Variants in PIK3R4 observed in about 807,000 individuals in gnomAD.
PIK3R4 encodes phosphoinositide-3-kinase regulatory subunit 4.
Under a neutral mutation model 136.5 loss-of-function variants are expected in PIK3R4, and 46 were observed. The ratio of observed to expected loss-of-function variants is 0.34; its 90% CI spans 0.27 to 0.43. The LOEUF (loss-of-function observed/expected upper bound fraction) is 0.43. Ranked by LOEUF, PIK3R4 falls within the 20% of genes least tolerant of loss-of-function variation. PIK3R4 has a pLI of 1.00. For synonymous variants in PIK3R4, 557 were observed against 566.7 expected (o/e 0.98, Z 0.24); for missense variants, 1,331 against 1,649.5 (o/e 0.81, Z 3.35).
intron 16 of PIK3R4, among the ~76,000 whole-genome samples, chr3:130,682,155 C>CT (rs1164627130): frequency 6.6e-6 from 1 of 152,140 alleles, no homozygotes; most frequent in African/African-American, 2.4e-5. Flanking sequence ...GGCAAAGTGA[C>CT]TTTGCAGATG....
At chr3:130,706,399 C>T (rs1290885093) in intron 11 of PIK3R4, among the ~76,000 whole-genome samples, 1 of 152,114 alleles carries the variant, frequency 6.6e-6, no homozygotes, top group African/African-American at 2.4e-5. Flanking sequence ...TTACTGAAAT[C>T]TGTAGTGAAC....
At chr3:130,709,581 C>T (rs2066623568) in intron 9 of PIK3R4, among the ~76,000 whole-genome samples, 1 of 152,110 alleles carries the variant, frequency 6.6e-6, no homozygotes, top group Admixed American at 6.5e-5. Flanking sequence ...TTTCATGTCT[C>T]CTCCTAAAAT....
intron 13 of PIK3R4, among the ~76,000 whole-genome samples, chr3:130,700,407 A>G (rs1215360306): frequency 6.6e-6 from 1 of 152,242 alleles, no homozygotes; most frequent in Non-Finnish European, 1.5e-5. Flanking sequence ...GAGAAGCTGA[A>G]TGAGCCAGAA....
intron 2 of PIK3R4, among the ~76,000 whole-genome samples, chr3:130,741,852 T>C (rs2066825657): frequency 6.6e-6 from 1 of 152,202 alleles, no homozygotes; most frequent in South Asian, 2.1e-4. Context: ...GAATGAAAGA[T>C]CTGCAGCACA....
At chr3:130,681,150 G>T (rs1414878419) in intron 17 of PIK3R4, 85 bp from the exon 18 acceptor site, 3 of 811,934 alleles carry the variant, frequency 3.7e-6, no homozygotes, top group Non-Finnish European at 6.5e-6. Context: ...CAAGTTAACT[G>T]TCAGTAGCTT....
chr3:130,704,749 G>C (rs1222284267), intron 12 of PIK3R4, among the ~76,000 whole-genome samples: 1 of 152,118 alleles, frequency 6.6e-6, no homozygotes, highest in African/African-American at 2.4e-5. Flanking sequence ...ATATGGAACT[G>C]TTTCCTCAAA....
chr3:130,727,257 T>C (rs1271653701), intron 6 of PIK3R4, among the ~76,000 whole-genome samples: 1 of 152,088 alleles, frequency 6.6e-6, no homozygotes, highest in East Asian at 1.9e-4. Context: ...GTCTCGCTCT[T>C]TCACCCAGGC....
chr3:130,723,767 A>G, intron 6 of PIK3R4, 180 bp from the exon 7 acceptor site: 1 of 497,796 alleles, frequency 2.0e-6, no homozygotes, highest in South Asian at 3.3e-5. Flanking sequence ...AATCATCAGG[A>G]AATTCTCGGA....
chr3:130,739,496 C>T (rs1381008584), intron 2 of PIK3R4, among the ~76,000 whole-genome samples: 5 of 152,094 alleles, frequency 3.3e-5, no homozygotes, highest in East Asian at 1.9e-4. Flanking sequence ...CTCAGCTTCC[C>T]GGGTAGCTGG....
intron 13 of PIK3R4, among the ~76,000 whole-genome samples, chr3:130,693,261 A>C (rs1265356232): frequency 6.6e-6 from 1 of 152,194 alleles, no homozygotes; most frequent in African/African-American, 2.4e-5. Flanking sequence ...GCTGCTATGA[A>C]CATTTGTGTA....
Position 130,730,374 on chromosome 3 carries a change from T to C in PIK3R4, c.1519A>G (p.Met507Val). 3 of 1,602,138 alleles carry C rather than the reference T, an allele frequency of 1.9e-6. No individual in the cohort carries two copies. The highest frequency in any genetic ancestry group is 2.2e-5 in the South Asian group (2 of 89,404). The change falls in exon 5 of 20, where the codon ATG (methionine) becomes GTG (valine). Residue 507 changes from methionine to valine, a missense_variant. Met to Val is a conservative substitution (Grantham distance 21). This residue lies in a region of PIK3R4 where 1,180 missense variants were observed against 1,407.0 expected (regional missense o/e 0.84). Transcript: ENST00000356763. ...TCTTCATTATTGGGGTCATTTTCCA[T>C]ATTAAGATTTTTTAACTGTACTAAT... is the stretch of plus-strand genomic sequence containing the variant. Reference protein sequence around the residue: ...LELVQLKNLNMENDPNNEEID... With the variant: ...LELVQLKNLNVENDPNNEEID...
intron 13 of PIK3R4, among the ~76,000 whole-genome samples, chr3:130,691,584 C>T (rs1193914039): frequency 1.3e-5 from 2 of 152,152 alleles, no homozygotes. Flanking sequence ...CAGACTGCAA[C>T]TTTACGCTTC....
At chr3:130,745,915 C>T (rs1008810699) in intron 1 of PIK3R4, among the ~76,000 whole-genome samples, 5 of 151,842 alleles carry the variant, frequency 3.3e-5, no homozygotes, top group African/African-American at 9.7e-5. Flanking sequence ...CCCAGCTACT[C>T]GTGAGGCTGA....
chr3:130,681,507 G>A lies in PIK3R4; in HGVS notation c.3692C>T (p.Pro1231Leu). Residue 1231 changes from proline (P) to leucine (L), a missense_variant, in exon 17 of 20, where the codon CCA becomes CTA. Physicochemically the swap from Pro to Leu is moderately conservative, Grantham distance 98. Transcript: ENST00000356763. ...RFTLWASSAP[P>L]LSELQPSPHS... The stretch of plus-strand genomic sequence containing the variant: ...AAGTCAAACCTGTAATTCAGAAAGT[G>A]GTGGTGCACTGCTGGCCCAGAGAGT... 6.2e-7 allele frequency: 1 copy of A among 1,602,808 alleles called. No individual in the cohort carries two copies. The highest frequency in any genetic ancestry group is 8.5e-7 in the Non-Finnish European group (1 of 1,169,814).
chr3:130,707,025 C>T lies in PIK3R4; in HGVS notation c.2644G>A (p.Glu882Lys). Residue 882 changes from glutamate to lysine, a missense_variant, in exon 11 of 20, where the codon GAG (glutamate) becomes AAG (lysine). Glu to Lys is a moderately conservative substitution (Grantham distance 56, BLOSUM62 1). Coordinates refer to ENST00000356763, the MANE Select transcript of PIK3R4 (RefSeq NM_014602.3). ...GGAGGTTTCCCAGTCTGAATCACCT[C>T]CTGATCACTCCCTTTAGGTAGGGCC... ...PQALPKGSDQ[E>K]VIQTGKPPRS... 6.2e-7 allele frequency: 1 copy of T among 1,612,940 alleles called. No individual in the cohort carries two copies. Among genetic ancestry groups the T allele is most frequent in the Non-Finnish European group, 8.5e-7 (1 of 1,179,528 alleles).
chr3:130,736,047 TATC>T lies in PIK3R4; in HGVS notation c.734-48_734-46del, dbSNP rs750770857. On this transcript the variant is annotated intron_variant, in intron 2 of 19. Coordinates refer to ENST00000356763, the MANE Select transcript of PIK3R4 (RefSeq NM_014602.3). ...ATTCTGTTAGAAAAGAGATAAAAAA[TATC>T]ATGCAATATAGATTGAGAACTCAGA... 66 of 1,331,942 alleles carry T rather than the reference TATC, an allele frequency of 5.0e-5. No homozygotes were observed. In the African/African-American group the frequency reaches 8.6e-4, roughly 17 times the overall value. 82.5% of individuals were successfully genotyped at this position (1,331,942 alleles called of 1,614,324 possible).
chr3:130,707,056 C>T lies in PIK3R4; in HGVS notation c.2613G>A (p.Met871Ile), dbSNP rs748893803. ...CACTCCCTTTAGGTAGGGCCTGTGG[C>T]ATGTTTGGTGGGTCCAGTGACCCAA... is the stretch of plus-strand genomic sequence containing the variant. ...SMFGSLDPPNMPQALPKGSDQ... is the reference protein window; with the variant it reads ...SMFGSLDPPNIPQALPKGSDQ... Residue 871 changes from methionine to isoleucine, a missense_variant, in exon 11 of 20, where the codon ATG becomes ATA. Met to Ile is a conservative substitution (Grantham distance 10). Coordinates refer to ENST00000356763, the MANE Select transcript of PIK3R4 (RefSeq NM_014602.3). 2 of 1,612,600 alleles carry T rather than the reference C, an allele frequency of 1.2e-6. No homozygotes were observed. Among genetic ancestry groups the T allele is most frequent in the Non-Finnish European group, 8.5e-7 (1 of 1,179,360 alleles).
intron 13 of PIK3R4, among the ~76,000 whole-genome samples, chr3:130,698,745 A>T (rs2066560316): frequency 6.6e-6 from 1 of 152,164 alleles, no homozygotes; most frequent in African/African-American, 2.4e-5. Flanking sequence ...AAAACTGTGC[A>T]TTCAAAATTA....
intron 9 of PIK3R4, 89 bp from the exon 10 acceptor site, chr3:130,708,581 C>T (rs1042597325): frequency 8.7e-7 from 1 of 1,152,172 alleles, no homozygotes; most frequent in Non-Finnish European, 1.2e-6. Context: ...AGGGACAAAT[C>T]ACCCAATTTA....
Sources: gnomAD v4.1 joint callset for allele counts (sites outside exome capture counted in the v4.1 genomes callset) on GRCh38, gnomAD v4.1.1 for gene constraint, gnomAD v4.1.1 regional missense constraint, MANE v1.5 for transcripts, NCBI Gene and HGNC (gene_info 2026-07-23, HGNC 2026-07-21) for gene names.